The following CDH22 variants were observed in gnomAD, a reference collection of about 807,000 sequenced individuals.
The protein encoded by CDH22 is cadherin-22.
A neutral mutation model predicts 58.4 loss-of-function variants in CDH22; 30 were observed. The observed-to-expected ratio is 0.51, with a 90% confidence interval of 0.38 to 0.70. The LOEUF (loss-of-function observed/expected upper bound fraction) is 0.70. Ranked by LOEUF, CDH22 falls within the 30% of genes least tolerant of loss-of-function variation. CDH22 has a pLI of 0.00. For missense variants in CDH22, 1,014 were observed against 1,233.9 expected (o/e 0.82, Z 2.67); for synonymous variants, 513 against 558.2 (o/e 0.92, Z 1.14).
intron 1 of CDH22, among the ~76,000 whole-genome samples, chr20:46,264,871 C>T (rs3092798): frequency 0.38 from 56,791 of 149,352 alleles, 11,196 homozygotes; most frequent in Middle Eastern, 0.56. Flanking sequence ...ACACACCGTG[C>T]GCACACACAC....
chr20:46,230,154 A>G (rs950935730), intron 3 of CDH22, among the ~76,000 whole-genome samples: 6 of 152,106 alleles, frequency 3.9e-5, no homozygotes, highest in African/African-American at 1.4e-4. Flanking sequence ...AAAGGGTGCC[A>G]GGCTTGTAGC....
At chr20:46,185,465 A>G (rs1364227154) in intron 10 of CDH22, among the ~76,000 whole-genome samples, 5 of 152,038 alleles carry the variant, frequency 3.3e-5, no homozygotes, top group Admixed American at 3.3e-4. Context: ...GACTCCCTAT[A>G]TGACCCTGGG....
intron 1 of CDH22, among the ~76,000 whole-genome samples, chr20:46,296,049 C>A (rs2086627578): frequency 6.6e-6 from 1 of 152,198 alleles, no homozygotes; most frequent in Admixed American, 6.5e-5. Flanking sequence ...AGGTGGGAAC[C>A]ACCATGCCGG....
chr20:46,276,869 T>C (rs567103530), intron 1 of CDH22, among the ~76,000 whole-genome samples: 1 of 152,232 alleles, frequency 6.6e-6, no homozygotes, highest in South Asian at 2.1e-4. Context: ...GTCAAATGGA[T>C]GGTTTATTTT....
chr20:46,235,264 C>T (rs1346253921), intron 3 of CDH22, among the ~76,000 whole-genome samples: 1 of 152,186 alleles, frequency 6.6e-6, no homozygotes, highest in Admixed American at 6.5e-5. Context: ...TGTGGGAGAC[C>T]TGTGAAATCC....
intron 1 of CDH22, among the ~76,000 whole-genome samples, chr20:46,301,504 A>AATATAT (rs56771727): frequency 2.7e-5 from 4 of 149,932 alleles, no homozygotes; most frequent in African/African-American, 9.8e-5. Context: ...CTATTAAAAA[A>AATATAT]ATATATATAT....
intron 1 of CDH22, among the ~76,000 whole-genome samples, chr20:46,260,522 C>T (rs939102294): frequency 1.3e-5 from 2 of 152,206 alleles, no homozygotes; most frequent in Admixed American, 6.5e-5. Flanking sequence ...TTTCCCCGTT[C>T]CCACACACAT....
intron 1 of CDH22, among the ~76,000 whole-genome samples, chr20:46,254,657 G>C (rs909206903): frequency 6.6e-6 from 1 of 152,194 alleles, no homozygotes; most frequent in Admixed American, 6.5e-5. Context: ...TATAATTTCA[G>C]GGAGTGGTAA....
chr20:46,255,843 T>A (rs1279663297), intron 1 of CDH22, among the ~76,000 whole-genome samples: 1 of 152,132 alleles, frequency 6.6e-6, no homozygotes, highest in Non-Finnish European at 1.5e-5. Flanking sequence ...TGCATTCAGC[T>A]CTCCTGGGAC....
chr20:46,179,464 T>C (rs1006883912), intron 10 of CDH22, among the ~76,000 whole-genome samples: 1 of 152,152 alleles, frequency 6.6e-6, no homozygotes, highest in Non-Finnish European at 1.5e-5. Context: ...AAAGGAGCCC[T>C]ACGAAGGTCT....
intron 2 of CDH22, among the ~76,000 whole-genome samples, chr20:46,242,217 T>C (rs942160352): frequency 6.6e-6 from 1 of 152,224 alleles, no homozygotes; most frequent in African/African-American, 2.4e-5. Flanking sequence ...CAGATTTTTT[T>C]CCCACTTCCT....
At chr20:46,253,576 C>A (rs922768328) in intron 1 of CDH22, among the ~76,000 whole-genome samples, 5 of 152,198 alleles carry the variant, frequency 3.3e-5, no homozygotes, top group African/African-American at 7.2e-5. Flanking sequence ...GGCAGCCCTG[C>A]TCCGCAAGCC....
intron 11 of CDH22, among the ~76,000 whole-genome samples, chr20:46,176,394 C>A (rs2085739444): frequency 6.6e-6 from 1 of 152,186 alleles, no homozygotes; most frequent in Non-Finnish European, 1.5e-5. Context: ...CCCTTCCCCA[C>A]CCCGAGTCTC....
chr20:46,267,459 C>T (rs1318132799), intron 1 of CDH22, among the ~76,000 whole-genome samples: 4 of 152,342 alleles, frequency 2.6e-5, no homozygotes, highest in Non-Finnish European at 5.9e-5. Flanking sequence ...TTTAGTCTCT[C>T]CAGTTACCAA....
chr20:46,300,707 C>A lies in CDH22; in HGVS notation c.-400+7548G>T. 6.6e-6 allele frequency among the ~76,000 whole-genome samples: 1 copy of A among 152,350 alleles called. No individual in the cohort carries two copies. ...AGCATCCTTCCCTTCCCCAGGGACC[C>A]CCCAGTCCCCTCTTCGCTGGCCCCA... On this transcript the variant is annotated intron_variant, in intron 1 of 11. Coordinates refer to ENST00000537909, the MANE Select transcript of CDH22 (RefSeq NM_021248.3). The surrounding 1 kb of genome is among the most constrained non-coding windows in gnomAD (Gnocchi z 4.4).
intron 1 of CDH22, among the ~76,000 whole-genome samples, chr20:46,285,929 T>C (rs1246532752): frequency 6.6e-6 from 1 of 152,204 alleles, no homozygotes; most frequent in Non-Finnish European, 1.5e-5. Context: ...TGAGCCTTAG[T>C]TTCCTAATCT....
At chr20:46,252,446 C>T (rs2086383464) in intron 1 of CDH22, among the ~76,000 whole-genome samples, 1 of 152,258 alleles carries the variant, frequency 6.6e-6, no homozygotes, top group African/African-American at 2.4e-5. Context: ...TCCCCAGATC[C>T]ATCCATCTCT....
intron 3 of CDH22, 95 bp downstream of exon 3, chr20:46,240,868 G>T: frequency 1.7e-6 from 2 of 1,163,110 alleles, no homozygotes; most frequent in Non-Finnish European, 2.4e-6. Context: ...TGTCTTTTCT[G>T]TCCCTCCCCA....
chr20:46,265,949 C>CACAGAT (rs548334756), intron 1 of CDH22, among the ~76,000 whole-genome samples: 2 of 77,036 alleles, frequency 2.6e-5, no homozygotes, highest in Non-Finnish European at 8.4e-5. Context: ...CACAGATACA[C>CACAGAT]ACACACACAC....
Sources: gnomAD v4.1 joint callset for allele counts (sites outside exome capture counted in the v4.1 genomes callset) on GRCh38, gnomAD v4.1.1 for gene constraint, Gnocchi (gnomAD v3.1) non-coding constraint, MANE v1.5 for transcripts, NCBI Gene and HGNC (gene_info 2026-07-23, HGNC 2026-07-21) for gene names.